Variants in CXADR observed in about 807,000 individuals in gnomAD.
CXADR encodes CXADR cell adhesion molecule.
CXADR carries 20 observed loss-of-function variants against 40.3 expected under a neutral mutation model. The observed-to-expected ratio is 0.50, with a 90% CI of 0.35 to 0.72. The LOEUF is 0.72. CXADR is among the 30% of genes least tolerant of loss of function. The probability of loss-of-function intolerance (pLI) is 0.01; values close to 1 mark genes in which losing one functional copy is unlikely to be tolerated. For synonymous variants in CXADR, 150 were observed against 161.3 expected (o/e 0.93, Z 0.53); for missense variants, 332 against 449.1 (o/e 0.74, Z 2.36).
Position 17,568,430 on chromosome 21 carries a change from G to C in CXADR, c.*2738G>C, listed in dbSNP as rs912005254. The C allele has an allele frequency of 2.0e-6, 2 of 984,956 alleles. No individual in the cohort carries two copies. Among genetic ancestry groups the C allele is most frequent in the African/African-American group, 3.5e-5 (2 of 57,100 alleles). 61.0% of individuals were successfully genotyped at this position (984,956 alleles called of 1,614,324 possible). On this transcript the variant is annotated 3_prime_UTR_variant, in exon 7 of 7. Transcript: ENST00000284878. The stretch of plus-strand genomic sequence containing the variant: ...GGCGTGAACCACTGCACCCGGCCCA[G>C]TACTGCATCTTAACAGCAAAGCCAT...
chr21:17,609,327 G>C, the CXADR span, among the ~76,000 whole-genome samples: 19 of 152,014 alleles, frequency 1.2e-4, 1 homozygote, highest in African/African-American at 4.6e-4. Context: ...TGCCATAAAG[G>C]CCTTATTATA....
exon 8 of CXADR, chr21:17,593,305 CTG>C: frequency 1.0e-6 from 1 of 980,382 alleles, no homozygotes; most frequent in Non-Finnish European, 1.3e-6. Context: ...ATTAGAGCAG[CTG>C]TAAGAACACA....
At chr21:17,532,492 A>AT (rs1349132790) in intron 1 of CXADR, among the ~76,000 whole-genome samples, 1 of 129,598 alleles carries the variant, frequency 7.7e-6, no homozygotes, top group East Asian at 2.3e-4. Context: ...CTGTGGTCAG[A>AT]TAATATCCTG....
chr21:17,616,949 G>A, the CXADR span, among the ~76,000 whole-genome samples: 35 of 152,212 alleles, frequency 2.3e-4, no homozygotes, highest in East Asian at 1.3e-3. Flanking sequence ...TATTTTCTCC[G>A]TTACATCATG....
intron 6 of CXADR, among the ~76,000 whole-genome samples, chr21:17,561,957 C>T (rs1360410582): frequency 6.6e-6 from 1 of 152,158 alleles, no homozygotes; most frequent in Non-Finnish European, 1.5e-5. Flanking sequence ...ACTTCACACC[C>T]TAGAAATTGA....
At chr21:17,534,740 A>G (rs1041268603) in intron 1 of CXADR, among the ~76,000 whole-genome samples, 1 of 151,142 alleles carries the variant, frequency 6.6e-6, no homozygotes, top group Non-Finnish European at 1.5e-5. Context: ...AAATCTACTT[A>G]TAAATCTTTT....
At chr21:17,534,789 CTTTTTT>C (rs11427595) in intron 1 of CXADR, among the ~76,000 whole-genome samples, 1 of 131,928 alleles carries the variant, frequency 7.6e-6, no homozygotes, top group African/African-American at 2.9e-5. Context: ...TATTTTCTTC[CTTTTTT>C]TTTTTTTTGA....
Position 17,544,519 on chromosome 21 carries a change from GGGCTGCAGAGAGCTGGTCTA to G in CXADR, c.44-2506_44-2487del, listed in dbSNP as rs533413637. 7.4e-5 allele frequency among the ~76,000 whole-genome samples: 11 copies of G among 149,102 alleles called. No homozygotes were observed. In the South Asian group the frequency reaches 2.4e-3, roughly 33 times the overall value. Reference sequence around the variant, plus strand: ...ATGGAAAATTATGGGCTCAACAGTGGGGCTGCAGAGAGCTGGTCTAGACTAGGGCTGAGTGTTCGAGGGTT... The same window carrying G: ...ATGGAAAATTATGGGCTCAACAGTGGGACTAGGGCTGAGTGTTCGAGGGTT... On this transcript the variant is annotated intron_variant, in intron 1 of 6. Coordinates refer to ENST00000284878, the MANE Select transcript of CXADR (RefSeq NM_001338.5).
downstream of CXADR, chr21:17,593,648 C>T (rs114741737): frequency 0.012 from 1,977 of 162,036 alleles, 48 homozygotes; most frequent in African/African-American, 0.044. Context: ...CAGAAACACG[C>T]GTTGTCATGC....
At chr21:17,619,197 A>G in the CXADR span, among the ~76,000 whole-genome samples, 6 of 152,018 alleles carry the variant, frequency 3.9e-5, no homozygotes, top group African/African-American at 1.4e-4. Flanking sequence ...CTTCAACTTA[A>G]AGTCACCAGC....
chr21:17,609,713 A>G, the CXADR span, among the ~76,000 whole-genome samples: 15 of 152,264 alleles, frequency 9.9e-5, no homozygotes, highest in Non-Finnish European at 2.1e-4. Flanking sequence ...AACCTTGTAC[A>G]GAAATGCCCA....
At chr21:17,617,513 G>A in the CXADR span, among the ~76,000 whole-genome samples, 6 of 152,094 alleles carry the variant, frequency 3.9e-5, no homozygotes, top group Non-Finnish European at 7.3e-5. Context: ...GAGATATTGC[G>A]AGTTCAGTTC....
the CXADR span, among the ~76,000 whole-genome samples, chr21:17,634,517 C>A: frequency 1.3e-5 from 2 of 152,102 alleles, no homozygotes; most frequent in Admixed American, 1.3e-4. Flanking sequence ...GCAGATGTAG[C>A]TAGAGAAAGG....
chr21:17,628,235 A>G, the CXADR span, among the ~76,000 whole-genome samples: 1 of 152,216 alleles, frequency 6.6e-6, no homozygotes, highest in Non-Finnish European at 1.5e-5. Flanking sequence ...AACAGAACCA[A>G]TAAGATGTGT....
chr21:17,600,369 T>TA, the CXADR span, among the ~76,000 whole-genome samples: 4 of 152,312 alleles, frequency 2.6e-5, no homozygotes, highest in Middle Eastern at 3.4e-3. Flanking sequence ...TGAAAAAAGA[T>TA]AAAAATAAGT....
rs1204232450 is a variant in CXADR, at chr21:17,569,717, T to C, written c.*4025T>C. ...TTATAATTTATCTTATTTTATAATTTAAGAATATAGTACATATCAGTTGGG... is the reference window on the plus strand; with the variant it reads ...TTATAATTTATCTTATTTTATAATTCAAGAATATAGTACATATCAGTTGGG... On this transcript the variant is annotated 3_prime_UTR_variant, in exon 7 of 7. Coordinates refer to ENST00000284878, the MANE Select transcript of CXADR (RefSeq NM_001338.5). 2 of 965,174 alleles carry C rather than the reference T, an allele frequency of 2.1e-6. No homozygotes were observed. Among genetic ancestry groups the C allele is most frequent in the Non-Finnish European group, 2.5e-6 (2 of 811,790 alleles). 59.8% of individuals were successfully genotyped at this position (965,174 alleles called of 1,614,324 possible). A position where few individuals can be genotyped will look rare whatever the true frequency, so the allele number is the denominator to read the frequency against.
At chr21:17,518,919 C>T in intron 1 of CXADR, 1 of 1,593,118 alleles carries the variant, frequency 6.3e-7, no homozygotes, top group East Asian at 2.2e-5. Flanking sequence ...TATGTACCAC[C>T]TTCTTTCTGC....
At chr21:17,585,517 TTTAA>T (rs1225232602) in intron 7 of CXADR, among the ~76,000 whole-genome samples, 1 of 151,330 alleles carries the variant, frequency 6.6e-6, no homozygotes, top group Non-Finnish European at 1.5e-5. Flanking sequence ...CTTCTGGGTG[TTTAA>T]TTATTATTTT....
At chr21:17,586,717 G>C (rs906561481) in intron 7 of CXADR, among the ~76,000 whole-genome samples, 10 of 151,822 alleles carry the variant, frequency 6.6e-5, no homozygotes, top group African/African-American at 2.4e-4. Flanking sequence ...ATTAATTTTT[G>C]TTTTGTTTTA....
Sources: allele counts gnomAD v4.1 joint callset (sites outside exome capture counted in the v4.1 genomes callset), GRCh38; gene constraint gnomAD v4.1.1; transcripts MANE v1.5; gene names NCBI Gene and HGNC (gene_info 2026-07-23, HGNC 2026-07-21).